Variants in LRRTM4 observed in about 807,000 individuals in gnomAD.
LRRTM4 encodes the protein leucine-rich repeat transmembrane neuronal protein 4.
LRRTM4 carries 25 observed loss-of-function variants against 47.6 expected under a neutral mutation model. The ratio of observed to expected loss-of-function variants is 0.53; its 90% CI spans 0.38 to 0.73. LRRTM4 has a LOEUF of 0.73. LRRTM4 is among the 30% of genes least tolerant of loss of function. The pLI, the probability that LRRTM4 is intolerant of heterozygous loss-of-function variation, is 0.00. For missense variants in LRRTM4, 638 were observed against 713.4 expected (o/e 0.89, Z 1.20); for synonymous variants, 311 against 269.5 (o/e 1.15, Z -1.51).
intron 3 of LRRTM4, among the ~76,000 whole-genome samples, chr2:76,832,513 C>T (rs967063746): frequency 4.8e-5 from 6 of 124,462 alleles, no homozygotes; most frequent in Non-Finnish European, 7.9e-5. Context: ...ATGACTAATA[C>T]TCTTTAGGTC....
intron 3 of LRRTM4, among the ~76,000 whole-genome samples, chr2:76,843,079 A>G (rs1435413963): frequency 6.6e-6 from 1 of 152,224 alleles, no homozygotes; most frequent in Non-Finnish European, 1.5e-5. Context: ...CTTCAACATT[A>G]GAATGTAGTT....
chr2:76,943,429 C>T (rs960072485), intron 3 of LRRTM4, among the ~76,000 whole-genome samples: 3 of 152,012 alleles, frequency 2.0e-5, no homozygotes, highest in South Asian at 2.1e-4. Flanking sequence ...AGCAAAACTC[C>T]GTCTCAAAAC....
chr2:76,977,109 G>A (rs1009695908), intron 3 of LRRTM4, among the ~76,000 whole-genome samples: 1 of 151,324 alleles, frequency 6.6e-6, no homozygotes, highest in African/African-American at 2.4e-5. Context: ...CTAGCAACCT[G>A]GCCTCTTCCC....
chr2:77,128,307 T>A (rs560581828), intron 3 of LRRTM4, among the ~76,000 whole-genome samples: 4 of 152,124 alleles, frequency 2.6e-5, no homozygotes, highest in Non-Finnish European at 5.9e-5. Context: ...GTTGGTATGA[T>A]TTGACTGTTT....
intron 3 of LRRTM4, among the ~76,000 whole-genome samples, chr2:77,485,376 G>A (rs938424572): frequency 1.3e-5 from 2 of 152,030 alleles, no homozygotes; most frequent in African/African-American, 4.8e-5. Context: ...GATTTTCCAG[G>A]TAGACAAAAT....
At chr2:77,518,213 A>C in intron 3 of LRRTM4, 105 bp downstream of exon 3, 2 of 1,384,542 alleles carry the variant, frequency 1.4e-6, no homozygotes, top group Admixed American at 6.2e-5. Context: ...CCAAAAGCAA[A>C]AGGGTCATTA....
chr2:76,862,331 G>A (rs1389758089), intron 3 of LRRTM4, among the ~76,000 whole-genome samples: 1 of 152,046 alleles, frequency 6.6e-6, no homozygotes, highest in Non-Finnish European at 1.5e-5. Flanking sequence ...GCAATTCACA[G>A]CATCATCAGA....
chr2:77,201,897 T>C (rs1233000921), intron 3 of LRRTM4, among the ~76,000 whole-genome samples: 1 of 152,148 alleles, frequency 6.6e-6, no homozygotes, highest in African/African-American at 2.4e-5. Flanking sequence ...GGGAAGGATG[T>C]CATCGATGCT....
chr2:76,823,768 A>AG (rs1254420313), intron 3 of LRRTM4, among the ~76,000 whole-genome samples: 191 of 151,518 alleles, frequency 1.3e-3, no homozygotes, highest in Non-Finnish European at 2.6e-3. Flanking sequence ...TCTAGATATC[A>AG]AAAAATAAAA....
chr2:77,503,670 T>G (rs747805533), intron 3 of LRRTM4, among the ~76,000 whole-genome samples: 1 of 151,272 alleles, frequency 6.6e-6, no homozygotes, highest in African/African-American at 2.4e-5. Flanking sequence ...AATAAGAGAA[T>G]ACCACAAGGA....
chr2:77,442,623 T>A (rs1314468817), intron 3 of LRRTM4, among the ~76,000 whole-genome samples: 2 of 152,218 alleles, frequency 1.3e-5, no homozygotes, highest in African/African-American at 4.8e-5. Context: ...GTGTTAAACT[T>A]TTTTAAGCCC....
chr2:77,365,208 T>C (rs1048675120), intron 3 of LRRTM4, among the ~76,000 whole-genome samples: 11 of 152,046 alleles, frequency 7.2e-5, no homozygotes, highest in African/African-American at 2.2e-4. Flanking sequence ...ACCCAGAACA[T>C]GTTTACTGAA....
intron 3 of LRRTM4, among the ~76,000 whole-genome samples, chr2:77,408,819 G>A (rs1674309019): frequency 6.6e-6 from 1 of 152,124 alleles, no homozygotes; most frequent in Non-Finnish European, 1.5e-5. Context: ...TCTAATACAG[G>A]TATTATAATA....
At chr2:77,248,035 T>C (rs1255672272) in intron 3 of LRRTM4, among the ~76,000 whole-genome samples, 1 of 150,804 alleles carries the variant, frequency 6.6e-6, no homozygotes, top group African/African-American at 2.4e-5. Flanking sequence ...AGAATAATGA[T>C]TATTAGACAT....
chr2:77,519,983 A>G lies in LRRTM4; in HGVS notation c.5-119T>C. ...AGGAATGGGACAGTTGATTTAAGGA[A>G]AATGCATTAACATTTCGAGCATTAT... On this transcript the variant is annotated intron_variant, in intron 2 of 3. Transcript: ENST00000409884. The surrounding 1 kb of genome is among the most constrained non-coding windows in gnomAD (Gnocchi z 4.6). The G allele has an allele frequency of 2.1e-6, 3 of 1,407,060 alleles. No individual in the cohort carries two copies. The South Asian group carries it at 4.6e-5, about 22-fold the overall frequency. 87.2% of individuals were successfully genotyped at this position (1,407,060 alleles called of 1,614,324 possible). A position where few individuals can be genotyped will look rare whatever the true frequency, so the allele number is the denominator to read the frequency against.
intron 3 of LRRTM4, among the ~76,000 whole-genome samples, chr2:77,083,686 T>C (rs1218285361): frequency 2.7e-5 from 4 of 150,672 alleles, no homozygotes; most frequent in Admixed American, 1.3e-4. Flanking sequence ...ATTCTAATGC[T>C]CCTTTCACTC....
chr2:77,498,883 A>G (rs1678462536), intron 3 of LRRTM4, among the ~76,000 whole-genome samples: 1 of 151,918 alleles, frequency 6.6e-6, no homozygotes, highest in Non-Finnish European at 1.5e-5. Flanking sequence ...GCCTGCACAC[A>G]GAAATTCTCT....
chr2:76,862,351 C>A (rs372191610), intron 3 of LRRTM4, among the ~76,000 whole-genome samples: 35 of 152,272 alleles, frequency 2.3e-4, no homozygotes, highest in African/African-American at 8.2e-4. Flanking sequence ...AAAATGCTAT[C>A]TTCAAGACCT....
chr2:77,223,158 A>G (rs996857292), intron 3 of LRRTM4, among the ~76,000 whole-genome samples: 1 of 152,130 alleles, frequency 6.6e-6, no homozygotes, highest in Admixed American at 6.6e-5. Context: ...AAATTCAACA[A>G]CGCTTCATGC....
Sources: allele counts gnomAD v4.1 joint callset (sites outside exome capture counted in the v4.1 genomes callset), GRCh38; gene constraint gnomAD v4.1.1; non-coding constraint Gnocchi (gnomAD v3.1); transcripts MANE v1.5; gene names NCBI Gene and HGNC (gene_info 2026-07-23, HGNC 2026-07-21).